The following RGL1 variants were observed in gnomAD, a reference collection of about 807,000 sequenced individuals.
RGL1 encodes ral guanine nucleotide dissociation stimulator like 1, also known as ral guanine nucleotide dissociation stimulator-like 1.
A neutral mutation model predicts 95.2 loss-of-function variants in RGL1; 24 were observed. That is an observed-to-expected ratio of 0.25 (90% CI 0.18 to 0.35). RGL1 has a LOEUF of 0.35. Among genes scored for constraint, RGL1 ranks in the 10% least tolerant of loss-of-function variants. The pLI is 1.00. For missense variants in RGL1, 715 were observed against 936.3 expected, an observed-to-expected ratio of 0.76 and a Z score of 3.08; for synonymous variants, 329 against 344.9, an observed-to-expected ratio of 0.95 and a Z score of 0.51.
chr1:183,713,280 A>T (rs1359787935), intron 1 of RGL1, among the ~76,000 whole-genome samples: 2 of 150,610 alleles, frequency 1.3e-5, no homozygotes, highest in African/African-American at 4.9e-5. Flanking sequence ...TGGCCTCCTG[A>T]AGTGCTGGGA....
intron 2 of RGL1, among the ~76,000 whole-genome samples, chr1:183,833,440 G>A (rs1663399359): frequency 6.6e-6 from 1 of 152,180 alleles, no homozygotes; most frequent in Non-Finnish European, 1.5e-5. Context: ...AGACCACCTA[G>A]CCCTTGTTCT....
intron 1 of RGL1, among the ~76,000 whole-genome samples, chr1:183,657,162 A>C (rs1651228643): frequency 6.6e-6 from 1 of 152,192 alleles, no homozygotes; most frequent in Non-Finnish European, 1.5e-5. Context: ...TCATATGGAC[A>C]TTTTAACAAT....
At chr1:183,752,542 T>A (rs998221452) in intron 2 of RGL1, among the ~76,000 whole-genome samples, 5 of 152,142 alleles carry the variant, frequency 3.3e-5, no homozygotes, top group Non-Finnish European at 7.3e-5. Flanking sequence ...CTTAATTTTT[T>A]AAATCTAGAT....
chr1:183,912,792 G>T (rs567820680), intron 15 of RGL1, among the ~76,000 whole-genome samples: 4 of 152,306 alleles, frequency 2.6e-5, no homozygotes, highest in East Asian at 3.9e-4. Context: ...GGAGTAACGG[G>T]CTACCCAGGG....
At chr1:183,848,276 C>T (rs763530932) in intron 3 of RGL1, among the ~76,000 whole-genome samples, 2 of 152,152 alleles carry the variant, frequency 1.3e-5, no homozygotes, top group Non-Finnish European at 2.9e-5. Context: ...AGGATCTGCA[C>T]ATAAATATCC....
chr1:183,846,132 T>C (rs1664410175), intron 2 of RGL1, among the ~76,000 whole-genome samples: 2 of 152,166 alleles, frequency 1.3e-5, no homozygotes, highest in African/African-American at 4.8e-5. Flanking sequence ...AGCAAAGACT[T>C]GGAACCAACC....
intron 1 of RGL1, among the ~76,000 whole-genome samples, chr1:183,675,766 G>A (rs183305736): frequency 3.6e-4 from 55 of 152,020 alleles, no homozygotes; most frequent in African/African-American, 1.2e-3. Context: ...TTCTTTTTTG[G>A]GGACCATAAA....
At chr1:183,750,803 C>T (rs1558187321) in intron 2 of RGL1, among the ~76,000 whole-genome samples, 1 of 152,258 alleles carries the variant, frequency 6.6e-6, no homozygotes, top group Non-Finnish European at 1.5e-5. Flanking sequence ...AATTTTCCTT[C>T]TAACAGTCAG....
intron 1 of RGL1, among the ~76,000 whole-genome samples, chr1:183,692,561 G>A (rs1190604861): frequency 6.6e-6 from 1 of 152,204 alleles, no homozygotes; most frequent in Non-Finnish European, 1.5e-5. Flanking sequence ...AAAAGTCATG[G>A]TTCAGGTAGT....
intron 3 of RGL1, among the ~76,000 whole-genome samples, chr1:183,856,403 A>T (rs1037850378): frequency 2.6e-5 from 4 of 151,914 alleles, no homozygotes; most frequent in Admixed American, 6.6e-5. Flanking sequence ...TAATGAAGAG[A>T]ATATGGAATT....
intron 2 of RGL1, among the ~76,000 whole-genome samples, chr1:183,820,432 G>A (rs915986689): frequency 2.6e-5 from 4 of 152,020 alleles, no homozygotes; most frequent in East Asian, 1.9e-4. Context: ...TTACCCCCAC[G>A]AAATCTCCCA....
intron 1 of RGL1, among the ~76,000 whole-genome samples, chr1:183,695,967 C>T (rs1654229495): frequency 1.3e-5 from 2 of 152,136 alleles, no homozygotes; most frequent in African/African-American, 4.8e-5. Context: ...ATTATTCAAT[C>T]TGATTGAATC....
At chr1:183,746,652 ATTTTT>A (rs71773992) in intron 2 of RGL1, among the ~76,000 whole-genome samples, 4,603 of 144,980 alleles carry the variant, frequency 0.032, 198 homozygotes, top group African/African-American at 0.1. Flanking sequence ...TTTCTTATAT[ATTTTT>A]TTAATATACT....
chr1:183,643,286 A>G (rs1294621658), intron 1 of RGL1, among the ~76,000 whole-genome samples: 4 of 149,816 alleles, frequency 2.7e-5, no homozygotes, highest in South Asian at 4.2e-4. Flanking sequence ...TTATTTATTT[A>G]TTTATTTATT....
intron 1 of RGL1, among the ~76,000 whole-genome samples, chr1:183,692,725 CTATT>C (rs1386300364): frequency 6.6e-6 from 1 of 152,102 alleles, no homozygotes; most frequent in African/African-American, 2.4e-5. Flanking sequence ...AAACAACAAT[CTATT>C]TATGAAGAAC....
intron 1 of RGL1, among the ~76,000 whole-genome samples, chr1:183,732,388 C>G (rs1451234953): frequency 2.6e-5 from 4 of 152,088 alleles, no homozygotes. Flanking sequence ...ATCCTCTTTC[C>G]CCCCAGACAG....
intron 1 of RGL1, among the ~76,000 whole-genome samples, chr1:183,671,503 C>CTGGCTCCATTTCTTCCAAATGG (rs1652446953): frequency 6.6e-6 from 1 of 152,160 alleles, no homozygotes; most frequent in African/African-American, 2.4e-5. Flanking sequence ...TTGGTATTGT[C>CTGGCTCCATTTCTTCCAAATGG]AGTGAAAGGA....
intron 1 of RGL1, chr1:183,653,456 A>G (rs1650916715): frequency 6.6e-6 from 1 of 152,254 alleles, no homozygotes; most frequent in Admixed American, 6.5e-5. Flanking sequence ...GGGTAAAAGG[A>G]TAATAGCTGA....
At chr1:183,745,305 C>A (rs1657555716) in intron 2 of RGL1, among the ~76,000 whole-genome samples, 1 of 152,034 alleles carries the variant, frequency 6.6e-6, no homozygotes, top group Non-Finnish European at 1.5e-5. Flanking sequence ...ACAATATTTT[C>A]CCACTCCTAA....
Sources: allele counts gnomAD v4.1 joint callset (sites outside exome capture counted in the v4.1 genomes callset), GRCh38; gene constraint gnomAD v4.1.1; transcripts MANE v1.5; gene names NCBI Gene and HGNC (gene_info 2026-07-23, HGNC 2026-07-21).